KCND3: variants seen among roughly 807,000 people sequenced by gnomAD.
KCND3 encodes potassium voltage-gated channel subfamily D member 3.
In KCND3, 9 loss-of-function variants were observed where a neutral mutation model predicts 51.1. The ratio of observed to expected loss-of-function variants is 0.18; its 90% CI spans 0.11 to 0.31. The LOEUF (loss-of-function observed/expected upper bound fraction) is 0.31, where lower values mean the gene tolerates loss of function less well. Ranked by LOEUF, KCND3 falls within the 10% of genes least tolerant of loss-of-function variation. KCND3 has a pLI of 1.00. For missense variants in KCND3, 526 were observed against 903.8 expected (o/e 0.58, Z 5.36); for synonymous variants, 349 against 368.0 (o/e 0.95, Z 0.59).
intron 2 of KCND3, among the ~76,000 whole-genome samples, chr1:111,975,036 T>C (rs1395165370): frequency 6.6e-6 from 1 of 152,240 alleles, no homozygotes; most frequent in African/African-American, 2.4e-5. Flanking sequence ...GCAGCTATCA[T>C]AGCTGCTGAG....
intron 2 of KCND3, among the ~76,000 whole-genome samples, chr1:111,831,517 C>G (rs950560240): frequency 7.2e-5 from 11 of 152,214 alleles, no homozygotes; most frequent in Admixed American, 7.2e-4. Flanking sequence ...CCTGCAGAAC[C>G]ATGAGCCAAT....
intron 2 of KCND3, among the ~76,000 whole-genome samples, chr1:111,966,149 C>T (rs996780968): frequency 1.3e-5 from 2 of 152,178 alleles, no homozygotes; most frequent in African/African-American, 4.8e-5. Context: ...TGCTCACATC[C>T]TGGAGACAGC....
chr1:111,808,579 C>A (rs1301769804), intron 2 of KCND3, among the ~76,000 whole-genome samples: 1 of 152,318 alleles, frequency 6.6e-6, no homozygotes, highest in South Asian at 2.1e-4. Flanking sequence ...TGTGTCAAGA[C>A]AACTGCAGAC....
intron 2 of KCND3, among the ~76,000 whole-genome samples, chr1:111,918,785 C>T (rs2101832682): frequency 6.6e-6 from 1 of 152,104 alleles, no homozygotes; most frequent in African/African-American, 2.4e-5. Flanking sequence ...GAATGATGAG[C>T]CAGGAAGTAC....
intron 2 of KCND3, among the ~76,000 whole-genome samples, chr1:111,814,999 A>G (rs1484299927): frequency 6.6e-6 from 1 of 152,276 alleles, no homozygotes; most frequent in African/African-American, 2.4e-5. Context: ...TGTTACAAAG[A>G]ACACAAAGCA....
intron 2 of KCND3, among the ~76,000 whole-genome samples, chr1:111,950,609 C>T (rs1165893877): frequency 6.6e-6 from 1 of 152,078 alleles, no homozygotes; most frequent in Non-Finnish European, 1.5e-5. Context: ...ATGGAGAGGG[C>T]CTTGAAAGGC....
chr1:111,932,623 C>T (rs80091855), intron 2 of KCND3, among the ~76,000 whole-genome samples: 9,017 of 152,268 alleles, frequency 0.059, 306 homozygotes, highest in African/African-American at 0.085. Flanking sequence ...TGGAATCATA[C>T]AGTTTGTCTT....
intron 2 of KCND3, among the ~76,000 whole-genome samples, chr1:111,929,437 C>A (rs1473884933): frequency 1.3e-5 from 2 of 152,330 alleles, no homozygotes; most frequent in South Asian, 2.1e-4. Flanking sequence ...GGGGGGACAT[C>A]ATTATCATCA....
At chr1:111,932,125 C>T (rs1335977735) in intron 2 of KCND3, among the ~76,000 whole-genome samples, 2 of 152,222 alleles carry the variant, frequency 1.3e-5, no homozygotes, top group Non-Finnish European at 2.9e-5. Context: ...CTGCCTCTTC[C>T]ACCTTAAAGA....
intron 2 of KCND3, among the ~76,000 whole-genome samples, chr1:111,845,616 T>C (rs1331438638): frequency 6.6e-6 from 1 of 152,100 alleles, no homozygotes; most frequent in Admixed American, 6.5e-5. Flanking sequence ...CATCCCTGAC[T>C]TGTTGCTGTG....
At chr1:111,806,276 C>T (rs1298954105) in intron 2 of KCND3, among the ~76,000 whole-genome samples, 1 of 152,236 alleles carries the variant, frequency 6.6e-6, no homozygotes, top group Non-Finnish European at 1.5e-5. Flanking sequence ...GGGGACACTC[C>T]TGTTGATGCG....
intron 2 of KCND3, among the ~76,000 whole-genome samples, chr1:111,869,533 C>G (rs1668740038): frequency 1.3e-5 from 2 of 152,172 alleles, no homozygotes; most frequent in Non-Finnish European, 2.9e-5. Flanking sequence ...GGGACAGTCA[C>G]AGGGTATTCA....
intron 2 of KCND3, among the ~76,000 whole-genome samples, chr1:111,969,097 G>A (rs1053076603): frequency 7.4e-5 from 11 of 148,214 alleles, no homozygotes; most frequent in African/African-American, 2.3e-4. Context: ...CTTCCCTTTC[G>A]CCAGTATGTG....
At chr1:111,983,003 A>T (rs1351516302) in intron 1 of KCND3, among the ~76,000 whole-genome samples, 1 of 152,130 alleles carries the variant, frequency 6.6e-6, no homozygotes, top group Non-Finnish European at 1.5e-5. Flanking sequence ...GGAGCTCGGC[A>T]GGGTGGGATC....
intron 2 of KCND3, among the ~76,000 whole-genome samples, chr1:111,897,416 G>A (rs1670172179): frequency 6.6e-6 from 1 of 152,254 alleles, no homozygotes; most frequent in Non-Finnish European, 1.5e-5. Flanking sequence ...CATTGCATCT[G>A]GTTTTGTGGC....
intron 2 of KCND3, among the ~76,000 whole-genome samples, chr1:111,958,905 C>T: frequency 6.6e-6 from 1 of 152,190 alleles, no homozygotes; most frequent in East Asian, 1.9e-4. Flanking sequence ...ACAGAGGCTG[C>T]CGGAGGCCAT....
At chr1:111,913,102 C>T (rs972743015) in intron 2 of KCND3, among the ~76,000 whole-genome samples, 1 of 150,100 alleles carries the variant, frequency 6.7e-6, no homozygotes, top group African/African-American at 2.4e-5. Context: ...TACTGGTATA[C>T]CATTTTTTAT....
At chr1:111,963,167 C>A (rs192948431) in intron 2 of KCND3, among the ~76,000 whole-genome samples, 397 of 152,316 alleles carry the variant, frequency 2.6e-3, no homozygotes, top group African/African-American at 9.3e-3. Context: ...GACAACTCAA[C>A]CCCCCACCAT....
At position 111,803,817 on chromosome 1, in the gene KCND3, GA is replaced by G. The variant is rs145921259; in HGVS notation, c.1107-16712del. Reference sequence around the variant, plus strand: ...GAAATTTTCCATAATTAAAAAGTTAGAAAAAAAAACTTCGTTAAAAGAAGAA... The same window carrying G: ...GAAATTTTCCATAATTAAAAAGTTAGAAAAAAAACTTCGTTAAAAGAAGAA... On this transcript the variant is annotated intron_variant, in intron 2 of 7. Transcript: ENST00000302127. Among the ~76,000 whole-genome samples, 17 of 150,426 alleles carry G rather than the reference GA, an allele frequency of 1.1e-4. 1 individual carries two copies. Among genetic ancestry groups the G allele is most frequent in the South Asian group, 6.5e-4 (3 of 4,606 alleles).
Sources: allele counts gnomAD v4.1 joint callset (sites outside exome capture counted in the v4.1 genomes callset), GRCh38; gene constraint gnomAD v4.1.1; transcripts MANE v1.5; gene names NCBI Gene and HGNC (gene_info 2026-07-23, HGNC 2026-07-21).